Variants in TOGARAM2 observed in about 807,000 individuals in gnomAD.
The protein encoded by TOGARAM2 is TOG array regulator of axonemal microtubules 2, also known as TOG array regulator of axonemal microtubules protein 2.
Under a neutral mutation model 93.3 loss-of-function variants are expected in TOGARAM2, and 85 were observed. The observed-to-expected ratio is 0.91, with a 90% CI of 0.76 to 1.09. TOGARAM2 has a LOEUF of 1.09. TOGARAM2 is among the 50% of genes least tolerant of loss of function. TOGARAM2 has a pLI of 0.00. For missense variants in TOGARAM2, 1,277 were observed against 1,334.5 expected (o/e 0.96, Z 0.67); for synonymous variants, 593 against 552.8 (o/e 1.07, Z -1.02).
rs189326468 is a variant in TOGARAM2 at position 28,975,283 on chromosome 2, G to A, written c.-147+18586G>A. Reference sequence around the variant, plus strand: ...GGCTCACTGCAAGCTCCACCTCCCAGGTTCATGCCATTCTCCTGCCTCAGC... The same window carrying A: ...GGCTCACTGCAAGCTCCACCTCCCAAGTTCATGCCATTCTCCTGCCTCAGC... On this transcript the variant is annotated intron_variant, in intron 1 of 6. Transcript: ENST00000401723. Among the ~76,000 whole-genome samples the A allele has an allele frequency of 9.9e-3, 1,510 of 152,058 alleles. 16 individuals are homozygous for A. The highest frequency in any genetic ancestry group is 0.011 in the Non-Finnish European group (759 of 67,986).
intron 18 of TOGARAM2, among the ~76,000 whole-genome samples, chr2:29,040,750 T>G (rs1441283950): frequency 1.3e-5 from 2 of 152,206 alleles, no homozygotes; most frequent in Admixed American, 6.5e-5. Flanking sequence ...GTTGCGATTT[T>G]CCTGCCCAGC....
chr2:28,977,843 G>C (rs993731917), upstream of TOGARAM2, among the ~76,000 whole-genome samples: 3 of 152,146 alleles, frequency 2.0e-5, no homozygotes, highest in African/African-American at 7.2e-5. Context: ...GAGTCAGTAA[G>C]GACTCCCCTT....
rs1175091972 is a variant in TOGARAM2 at position 29,005,725 on chromosome 2, ATG to A, written c.830+2050_830+2051del. Among the ~76,000 whole-genome samples, 70 of 108,774 alleles carry A rather than the reference ATG, an allele frequency of 6.4e-4. 9 individuals carry two copies. The highest frequency in any genetic ancestry group is 9.1e-4 in the Non-Finnish European group (45 of 49,350). The allele number at this position is 108,774 out of a possible 152,430, so 71.4% of individuals were successfully genotyped here. A position where few individuals can be genotyped will look rare whatever the true frequency, so the allele number is the denominator to read the frequency against. ...CGTGCATGTGTGAGTGCATGTGTGC[ATG>A]TGTGTGAGCACATATATGTGTGTAT... On this transcript the variant is annotated intron_variant, in intron 6 of 19. Transcript: ENST00000379558.
At position 29,045,310 on chromosome 2, in the gene TOGARAM2, C is replaced by G. The variant is rs764272116; in HGVS notation, c.2636-14C>G. The G allele has an allele frequency of 3.1e-6, 5 of 1,610,306 alleles. No homozygotes were observed. The East Asian group carries it at 1.1e-4, about 36-fold the overall frequency. ...CCCAGCAGTGTGGCCACTGACATCC[C>G]CCTTCTCTTTCAGACAACCTTTGCC... On this transcript the variant is annotated splice_polypyrimidine_tract_variant and intron_variant, in intron 18 of 19. Transcript: ENST00000379558.
intron 13 of TOGARAM2, among the ~76,000 whole-genome samples, chr2:29,025,059 G>A (rs1351210172): frequency 3.3e-5 from 5 of 152,176 alleles, no homozygotes; most frequent in African/African-American, 1.2e-4. Context: ...CCCCATAAGT[G>A]GATCATTACA....
chr2:29,003,742 C>T, intron 6 of TOGARAM2, 60 bp downstream of exon 6: 7 of 1,366,436 alleles, frequency 5.1e-6, no homozygotes, highest in Non-Finnish European at 6.7e-6. Flanking sequence ...CCCTGAGATC[C>T]ACTGGGGCTC....
chr2:29,013,960 C>T (rs1317282129), intron 7 of TOGARAM2, among the ~76,000 whole-genome samples: 1 of 152,004 alleles, frequency 6.6e-6, no homozygotes, highest in Non-Finnish European at 1.5e-5. Flanking sequence ...CCTGGCAACT[C>T]TGCCCTTTCC....
At chr2:29,036,010 G>T (rs1666085850) in intron 17 of TOGARAM2, among the ~76,000 whole-genome samples, 1 of 152,108 alleles carries the variant, frequency 6.6e-6, no homozygotes, top group Non-Finnish European at 1.5e-5. Flanking sequence ...GTGATGGCTG[G>T]ACAGGTGTGT....
At chr2:29,012,740 T>C (rs1664328624) in intron 7 of TOGARAM2, among the ~76,000 whole-genome samples, 1 of 152,338 alleles carries the variant, frequency 6.6e-6, no homozygotes, top group Middle Eastern at 3.4e-3. Context: ...GGGCTGACAC[T>C]GCCCTCTGTG....
intron 10 of TOGARAM2, chr2:29,018,476 ATT>A (rs60730164): frequency 2.4e-4 from 35 of 148,522 alleles, no homozygotes; most frequent in South Asian, 8.5e-4. Context: ...ATGTTGCCTC[ATT>A]TTTTTTTTTT....
chr2:29,008,731 A>G (rs1664036068), intron 6 of TOGARAM2, among the ~76,000 whole-genome samples: 1 of 152,216 alleles, frequency 6.6e-6, no homozygotes, highest in Non-Finnish European at 1.5e-5. Context: ...TGCTGGGATT[A>G]CAGGTAGAAG....
At chr2:28,964,881 G>A (rs1249389495) in intron 1 of TOGARAM2, among the ~76,000 whole-genome samples, 1 of 152,070 alleles carries the variant, frequency 6.6e-6, no homozygotes, top group African/African-American at 2.4e-5. Flanking sequence ...TCTTTATCCA[G>A]TCTATCACGG....
intron 11 of TOGARAM2, 87 bp from the exon 12 acceptor site, chr2:29,022,999 G>A (rs1400376930): frequency 1.9e-6 from 2 of 1,061,034 alleles, no homozygotes; most frequent in Admixed American, 4.2e-5. Flanking sequence ...GACCGTGATG[G>A]TGTGTGATGT....
At chr2:29,043,877 A>C (rs1432772120) in intron 18 of TOGARAM2, among the ~76,000 whole-genome samples, 5 of 152,212 alleles carry the variant, frequency 3.3e-5, no homozygotes, top group Admixed American at 6.5e-5. Flanking sequence ...AGAAACCAGG[A>C]GGTGTCAGCT....
chr2:29,036,845 G>A, intron 18 of TOGARAM2, 88 bp downstream of exon 18: 2 of 1,322,996 alleles, frequency 1.5e-6, no homozygotes, highest in Non-Finnish European at 2.1e-6. Flanking sequence ...GGCCTTGGTT[G>A]GTTCCCAGGC....
intron 1 of TOGARAM2, among the ~76,000 whole-genome samples, chr2:28,970,608 A>G (rs1671934201): frequency 6.6e-6 from 1 of 152,142 alleles, no homozygotes; most frequent in Non-Finnish European, 1.5e-5. Context: ...CTATCCACCT[A>G]TATCAAGTTG....
chr2:29,009,915 T>A (rs1259891669), intron 6 of TOGARAM2, among the ~76,000 whole-genome samples: 1 of 152,070 alleles, frequency 6.6e-6, no homozygotes, highest in African/African-American at 2.4e-5. Flanking sequence ...TTGGCCTCAG[T>A]CCTTTCTGCT....
intron 19 of TOGARAM2, chr2:29,048,511 C>G (rs1391135748): frequency 6.6e-6 from 1 of 152,130 alleles, no homozygotes; most frequent in African/African-American, 2.4e-5. Flanking sequence ...CCTCCCTTCC[C>G]CAGTCCCTGG....
intron 1 of TOGARAM2, among the ~76,000 whole-genome samples, chr2:28,985,923 G>A (rs1672443905): frequency 6.6e-6 from 1 of 151,980 alleles, no homozygotes. Context: ...GGCCAACATG[G>A]CAAAACCCCG....
Sources: allele counts gnomAD v4.1 joint callset (sites outside exome capture counted in the v4.1 genomes callset), GRCh38; gene constraint gnomAD v4.1.1; transcripts MANE v1.5; gene names NCBI Gene and HGNC (gene_info 2026-07-23, HGNC 2026-07-21).